TENM2: variants seen among roughly 807,000 people sequenced by gnomAD.
TENM2 encodes the protein teneurin transmembrane protein 2.
TENM2 carries 52 observed loss-of-function variants against 245.2 expected under a neutral mutation model. The observed-to-expected ratio is 0.21, with a 90% confidence interval of 0.17 to 0.27. The LOEUF (loss-of-function observed/expected upper bound fraction) is 0.27, where lower values mean the gene tolerates loss of function less well. TENM2 is among the 10% of genes least tolerant of loss of function. The pLI is 1.00. For missense variants in TENM2, 3,046 were observed against 3,666.8 expected (o/e 0.83, Z 4.37); for synonymous variants, 1,363 against 1,438.9 (o/e 0.95, Z 1.19).
chr5:168,231,693 G>A (rs1008746), intron 25 of TENM2, among the ~76,000 whole-genome samples: 62,157 of 151,160 alleles, frequency 0.41, 13,399 homozygotes, highest in African/African-American at 0.55. Flanking sequence ...TTCGCCTAGG[G>A]GTTCAAGACA....
chr5:167,559,452 C>G (rs754639916), intron 2 of TENM2, among the ~76,000 whole-genome samples: 21 of 152,166 alleles, frequency 1.4e-4, no homozygotes, highest in Admixed American at 2.6e-4. Flanking sequence ...AGTTCTCAAA[C>G]CATTGCTTTA....
At chr5:167,720,730 C>T (rs565109715) in intron 2 of TENM2, among the ~76,000 whole-genome samples, 1 of 152,076 alleles carries the variant, frequency 6.6e-6, no homozygotes, top group South Asian at 2.1e-4. Flanking sequence ...TGGTTGAATG[C>T]GAGACCATAA....
At chr5:167,225,594 TATGTTCATCAGGGATA>T in the TENM2 span, among the ~76,000 whole-genome samples, 1 of 152,002 alleles carries the variant, frequency 6.6e-6, no homozygotes, top group Non-Finnish European at 1.5e-5. Flanking sequence ...TGTTTGGTTC[TATGTTCATCAGGGATA>T]ATGGCCTGTA....
At chr5:167,642,877 C>A (rs1779702732) in intron 2 of TENM2, among the ~76,000 whole-genome samples, 1 of 152,160 alleles carries the variant, frequency 6.6e-6, no homozygotes, top group Non-Finnish European at 1.5e-5. Flanking sequence ...GAAAGGGGAA[C>A]AGTGCAGGGA....
chr5:168,078,134 A>G (rs911486307), intron 7 of TENM2, among the ~76,000 whole-genome samples: 49 of 152,218 alleles, frequency 3.2e-4, no homozygotes, highest in African/African-American at 9.9e-4. Flanking sequence ...CTGGTATGAG[A>G]TGGTATCTCA....
chr5:167,317,281 T>G (rs1237781517), intron 1 of TENM2, among the ~76,000 whole-genome samples: 1 of 152,144 alleles, frequency 6.6e-6, no homozygotes, highest in African/African-American at 2.4e-5. Flanking sequence ...GATTTTATAT[T>G]TAATTCTTAT....
rs147478895 is a variant in TENM2 at position 168,054,416 on chromosome 5, C to A, written c.1309+6867C>A. Among the ~76,000 whole-genome samples, 706 of 152,198 alleles carry A rather than the reference C, an allele frequency of 4.6e-3. 2 individuals carry two copies. Among genetic ancestry groups the A allele is most frequent in the African/African-American group, 0.015 (614 of 41,526 alleles). ...AACCCTCAGATGGTTGTCCTGATTC[C>A]CAAATAAATGGAAACGAGGTGTAAT... is the stretch of plus-strand genomic sequence containing the variant. On this transcript the variant is annotated intron_variant, in intron 6 of 28. Coordinates refer to ENST00000518659, the Ensembl canonical transcript of TENM2.
At chr5:167,790,418 G>A (rs755892432) in intron 2 of TENM2, among the ~76,000 whole-genome samples, 3 of 152,202 alleles carry the variant, frequency 2.0e-5, no homozygotes, top group Non-Finnish European at 4.4e-5. Context: ...GTTCGACTCT[G>A]CATGATTCCT....
intron 7 of TENM2, among the ~76,000 whole-genome samples, chr5:168,067,512 A>C (rs1790612493): frequency 6.6e-6 from 1 of 152,192 alleles, no homozygotes; most frequent in African/African-American, 2.4e-5. Context: ...ATTTTTTAAA[A>C]GCAGATTTAT....
intron 2 of TENM2, among the ~76,000 whole-genome samples, chr5:167,576,870 AT>A: frequency 6.6e-6 from 1 of 152,310 alleles, no homozygotes; most frequent in Admixed American, 6.5e-5. Flanking sequence ...AACCTACATG[AT>A]TTGTCACTGA....
chr5:167,187,147 T>C, the TENM2 span, among the ~76,000 whole-genome samples: 23 of 152,338 alleles, frequency 1.5e-4, no homozygotes, highest in Admixed American at 2.6e-4. Context: ...GTTCTAATGC[T>C]TGGATGCCTC....
chr5:167,303,972 C>A (rs1186912268), intron 1 of TENM2, among the ~76,000 whole-genome samples: 1 of 152,026 alleles, frequency 6.6e-6, no homozygotes, highest in African/African-American at 2.4e-5. Context: ...ATATAAAATC[C>A]CCAGATTTAA....
intron 27 of TENM2, among the ~76,000 whole-genome samples, chr5:168,257,923 T>C (rs146434926): frequency 2.0e-5 from 3 of 152,208 alleles, no homozygotes; most frequent in African/African-American, 4.8e-5. Context: ...CAGCTCCTGA[T>C]TGAAAGGCTC....
chr5:167,877,644 C>A (rs954382257), intron 3 of TENM2, among the ~76,000 whole-genome samples: 4 of 152,160 alleles, frequency 2.6e-5, no homozygotes, highest in Non-Finnish European at 5.9e-5. Context: ...TACCGCGGAA[C>A]AATGACACTG....
chr5:167,674,194 T>C (rs1423063417), intron 2 of TENM2, among the ~76,000 whole-genome samples: 1 of 152,140 alleles, frequency 6.6e-6, no homozygotes, highest in African/African-American at 2.4e-5. Flanking sequence ...TGAAACTGGC[T>C]GACCTTCTTG....
chr5:167,969,024 G>T (rs1407586573), intron 4 of TENM2, among the ~76,000 whole-genome samples: 1 of 152,190 alleles, frequency 6.6e-6, no homozygotes, highest in East Asian at 1.9e-4. Context: ...GGAAACCACG[G>T]ACCACTCCTT....
chr5:167,515,628 T>TATATATGTATATATATAC (rs1770290199), intron 2 of TENM2, among the ~76,000 whole-genome samples: 1 of 142,178 alleles, frequency 7.0e-6, no homozygotes, highest in African/African-American at 2.6e-5. Flanking sequence ...TACATATATA[T>TATATATGTATATATATAC]ACATATATAT....
chr5:168,038,546 G>A (rs1235928603), intron 5 of TENM2, among the ~76,000 whole-genome samples: 2 of 152,226 alleles, frequency 1.3e-5, no homozygotes, highest in Non-Finnish European at 2.9e-5. Context: ...AGCAAATGAG[G>A]TGAGCATATA....
chr5:167,596,346 C>T (rs903839143), intron 2 of TENM2, among the ~76,000 whole-genome samples: 2 of 152,144 alleles, frequency 1.3e-5, no homozygotes, highest in Admixed American at 1.3e-4. Flanking sequence ...TCTGTCTAAC[C>T]CTGTTCTCTC....
Sources: gnomAD v4.1 joint callset for allele counts (sites outside exome capture counted in the v4.1 genomes callset) on GRCh38, gnomAD v4.1.1 for gene constraint, MANE v1.5 for transcripts, NCBI Gene and HGNC (gene_info 2026-07-23, HGNC 2026-07-21) for gene names.